The following NLRP13 variants were observed in gnomAD, a reference collection of about 807,000 sequenced individuals.
NLRP13 encodes the protein NACHT, LRR and PYD domains-containing protein 13.
In NLRP13, 82 loss-of-function variants were observed where a neutral mutation model predicts 94.4. The observed-to-expected ratio is 0.87, with a 90% confidence interval of 0.73 to 1.04. The LOEUF is 1.04. Among genes scored for constraint, NLRP13 ranks in the 50% least tolerant of loss-of-function variants. The pLI is 0.00. For missense variants in NLRP13, 1,426 were observed against 1,230.8 expected (o/e 1.16, Z -2.37); for synonymous variants, 553 against 464.7 (o/e 1.19, Z -2.45).
chr19:55,928,595 G>A (rs1322139071), intron 1 of NLRP13, among the ~76,000 whole-genome samples: 2 of 152,102 alleles, frequency 1.3e-5, no homozygotes, highest in Non-Finnish European at 2.9e-5. Flanking sequence ...TTAAAAATCA[G>A]CAACAAGAAA....
intron 1 of NLRP13, among the ~76,000 whole-genome samples, chr19:55,928,191 C>T (rs577375726): frequency 1.9e-4 from 29 of 152,252 alleles, no homozygotes; most frequent in African/African-American, 5.3e-4. Flanking sequence ...ACCAGGGAAA[C>T]GGGGCTCCTG....
At chr19:55,924,739 C>T in intron 2 of NLRP13, 81 bp from the exon 3 acceptor site, 1 of 1,240,574 alleles carries the variant, frequency 8.1e-7, no homozygotes, top group Non-Finnish European at 1.2e-6. Context: ...CCCAGTAGAA[C>T]CAACTTTTTC....
chr19:55,902,344 C>T, intron 8 of NLRP13, 139 bp from the exon 9 acceptor site: 1 of 667,060 alleles, frequency 1.5e-6, no homozygotes, highest in South Asian at 1.9e-5. Flanking sequence ...TTTAGCTGGA[C>T]ACCGACCCAG....
chr19:55,902,036 T>G lies in NLRP13; in HGVS notation c.2788A>C (p.Asn930His), dbSNP rs61745385. The G allele has an allele frequency of 1.7e-3, 2,822 of 1,613,822 alleles. 36 individuals are homozygous for G. In the African/African-American group the frequency reaches 0.032, roughly 18 times the overall value. ...GRPDGNLQSL[N>H]LSGCSFTREG... ...TCAGAGGGAGCCAAGAAAACTTACT[T>G]CAGGCTCTGCAGGTTACCATCTGGG... Residue 930 changes from asparagine to histidine, a missense_variant and splice_region_variant, in exon 9 of 11, where the codon AAT becomes CAT. Asn to His is a moderately conservative substitution (Grantham distance 68). Transcript: ENST00000342929.
chr19:55,913,692 G>A (rs1461127782), intron 4 of NLRP13, among the ~76,000 whole-genome samples: 1 of 151,890 alleles, frequency 6.6e-6, no homozygotes, highest in East Asian at 1.9e-4. Context: ...ATAGCGAGAA[G>A]CCTCTCACTA....
At position 55,932,003 on chromosome 19, in the gene NLRP13, G is replaced by T; in HGVS notation, c.309C>A (p.Ala103=). The T allele has an allele frequency of 6.2e-7, 1 of 1,613,152 alleles. No homozygotes were observed. ...CTTGAGGACTCTCACCTTTCATCTC[G>T]GCTCTAACTTTCTCACACAGTGAGG... is the stretch of plus-strand genomic sequence containing the variant. ...NLTSLCEKVR[A]EMKENVQTQE... Residue 103 remains alanine, a synonymous_variant, in exon 1 of 11, where the codon GCC becomes GCA. Coordinates refer to ENST00000342929, the MANE Select transcript of NLRP13 (RefSeq NM_176810.2).
chr19:55,913,768 C>T (rs1309812763), intron 4 of NLRP13, among the ~76,000 whole-genome samples: 5 of 151,678 alleles, frequency 3.3e-5, no homozygotes, highest in Non-Finnish European at 5.9e-5. Context: ...TACTTTCAGG[C>T]GGGGGGAAGG....
chr19:55,908,943 C>T (rs998861679), intron 6 of NLRP13, among the ~76,000 whole-genome samples: 1 of 152,154 alleles, frequency 6.6e-6, no homozygotes, highest in East Asian at 1.9e-4. Context: ...AGGCCACAGC[C>T]CCCTCTGCCT....
downstream of NLRP13, among the ~76,000 whole-genome samples, chr19:55,892,891 A>G (rs1985896449): frequency 6.6e-6 from 1 of 151,974 alleles, no homozygotes; most frequent in African/African-American, 2.4e-5. Flanking sequence ...GCAGTGTAGT[A>G]CTCCATGGTG....
intron 4 of NLRP13, among the ~76,000 whole-genome samples, chr19:55,918,739 TAAC>T (rs1469932915): frequency 1.3e-5 from 2 of 151,924 alleles, no homozygotes; most frequent in Admixed American, 6.6e-5. Context: ...AAAAAATTAA[TAAC>T]AAAAAAATCC....
chr19:55,906,434 A>AG (rs1419625553), intron 7 of NLRP13, among the ~76,000 whole-genome samples: 1 of 151,924 alleles, frequency 6.6e-6, no homozygotes, highest in Admixed American at 6.6e-5. Context: ...TAAATGCAGT[A>AG]GGGGGATCCC....
chr19:55,892,720 C>A (rs1985891019), downstream of NLRP13, among the ~76,000 whole-genome samples: 1 of 152,206 alleles, frequency 6.6e-6, no homozygotes, highest in Admixed American at 6.5e-5. Context: ...CATGCCTGGC[C>A]TACTGTCACC....
rs769247296 is a variant in NLRP13 at position 55,912,301 on chromosome 19, C to T, written c.1516G>A (p.Glu506Lys). The stretch of plus-strand genomic sequence containing the variant: ...TCAATGAAAGGCACTTCCAGGCCCT[C>T]GATCTCAGTGTCTTCTTTGTTAAAC... ...FTFNKEDTEI[E>K]GLEVPFIDSL... is the part of the protein sequence containing the mutation. Residue 506 changes from glutamate to lysine, a missense_variant, in exon 5 of 11, where the codon GAG becomes AAG. Glu to Lys is a moderately conservative substitution (Grantham distance 56). Transcript: ENST00000342929. The T allele has an allele frequency of 3.7e-6, 6 of 1,614,098 alleles. No individual in the cohort carries two copies. The highest frequency in any genetic ancestry group is 1.7e-5 in the Admixed American group (1 of 60,020).
At chr19:55,910,433 GCA>G (rs1184325731) in intron 6 of NLRP13, 128 bp downstream of exon 6, 3 of 836,554 alleles carry the variant, frequency 3.6e-6, no homozygotes, top group South Asian at 3.1e-5. Flanking sequence ...ATAAATACAA[GCA>G]CAGTTTATTT....
rs148594029 is a variant in NLRP13 at position 55,910,682 on chromosome 19, C to A, written c.2163G>T (p.Thr721=). 1 of 1,613,668 alleles carries A rather than the reference C, an allele frequency of 6.2e-7. No homozygotes were observed. Among genetic ancestry groups the A allele is most frequent in the South Asian group, 1.1e-5 (1 of 91,028 alleles). Residue 721 remains threonine (T), a synonymous_variant, in exon 6 of 11, where the codon ACG becomes ACT. Transcript: ENST00000342929. ...CATGCAGATTCTCATTTGTGACCAA[C>A]GTAGAGCAAATGCTGTTCCATGCGT... ...RMHAWNSICS[T]LVTNENLHEL... is the part of the protein sequence containing the mutation.
intron 10 of NLRP13, among the ~76,000 whole-genome samples, chr19:55,896,845 AT>A (rs1342373679): frequency 6.9e-4 from 99 of 142,634 alleles, no homozygotes; most frequent in African/African-American, 2.5e-3. Flanking sequence ...AAAAAAAAAA[AT>A]GGAAAAGAGT....
At chr19:55,913,569 A>AAAAAAAAAAAAAAAAAAAAC (rs1263717740) in intron 4 of NLRP13, among the ~76,000 whole-genome samples, 1 of 147,774 alleles carries the variant, frequency 6.8e-6, no homozygotes. Context: ...AAAAAAAAAA[A>AAAAAAAAAAAAAAAAAAAAC]AAGTTGCAAA....
Position 55,912,491 on chromosome 19 carries a change from A to G in NLRP13, c.1326T>C (p.Tyr442=), listed in dbSNP as rs1986549060. 1 of 1,614,124 alleles carries G rather than the reference A, an allele frequency of 6.2e-7. No individual in the cohort carries two copies. The highest frequency in any genetic ancestry group is 2.2e-5 in the East Asian group (1 of 44,882). The change falls in exon 5 of 11, where the codon TAT becomes TAC. Residue 442 remains tyrosine, a synonymous_variant. Transcript: ENST00000342929. ...TCTGAGTGATTGACTGGAGATCGTA[A>G]TACCTCACCTTCGGCTGCTTCAGAC... is the stretch of plus-strand genomic sequence containing the variant. The part of the protein sequence containing the change: ...CSCLKQPKVR[Y]YDLQSITQTT...
chr19:55,908,157 A>G (rs1294061977), intron 6 of NLRP13, among the ~76,000 whole-genome samples: 1 of 152,144 alleles, frequency 6.6e-6, no homozygotes, highest in African/African-American at 2.4e-5. Context: ...AAAAATCAGT[A>G]AACTCAGTTG....
Sources: allele counts gnomAD v4.1 joint callset (sites outside exome capture counted in the v4.1 genomes callset), GRCh38; gene constraint gnomAD v4.1.1; transcripts MANE v1.5; gene names NCBI Gene and HGNC (gene_info 2026-07-23, HGNC 2026-07-21).